Variants in ENPP1 observed in about 807,000 individuals in gnomAD.
The protein encoded by ENPP1 is ectonucleotide pyrophosphatase/phosphodiesterase family member 1.
In ENPP1, 73 loss-of-function variants were observed where a neutral mutation model predicts 122.8. The ratio of observed to expected loss-of-function variants is 0.59; its 90% CI spans 0.49 to 0.72. The LOEUF (loss-of-function observed/expected upper bound fraction) is 0.72. Among genes scored for constraint, ENPP1 ranks in the 30% least tolerant of loss-of-function variants. The probability of loss-of-function intolerance (pLI) is 0.00; values close to 1 mark genes in which losing one functional copy is unlikely to be tolerated. For missense variants in ENPP1, 978 were observed against 1,128.1 expected (o/e 0.87, Z 1.91); for synonymous variants, 367 against 391.6 (o/e 0.94, Z 0.74).
In ENPP1 at chr6:131,892,129, A is replaced by G. The variant is rs1782479055; in HGVS notation, c.*1618A>G. ...AGATAATTCCAACATCTGTCACCTC[A>G]TTGTTTGCATCTACTGATGGTCTTT... On this transcript the variant is annotated 3_prime_UTR_variant, in exon 25 of 25. Coordinates refer to ENST00000647893, the MANE Select transcript of ENPP1 (RefSeq NM_006208.3). 11 of 151,590 alleles carry G rather than the reference A, an allele frequency of 7.3e-5. No homozygotes were observed. In the South Asian group the frequency reaches 2.3e-3, roughly 32 times the overall value. The allele number at this position is 151,590 out of a possible 1,614,324, so 9.4% of individuals were successfully genotyped here.
intron 18 of ENPP1, chr6:131,877,648 A>G (rs1418012708): frequency 6.5e-6 from 1 of 154,040 alleles, no homozygotes; most frequent in Non-Finnish European, 1.4e-5. Context: ...TTAATATGTC[A>G]TTATTATAAA....
intron 4 of ENPP1, 60 bp downstream of exon 4, chr6:131,851,327 T>A: frequency 6.2e-7 from 1 of 1,609,036 alleles, no homozygotes. Context: ...AGCGGGGCTT[T>A]ACATAGGTGT....
rs1782491418 is a variant in ENPP1 at position 131,893,047 on chromosome 6, C to G, written c.*2536C>G. On this transcript the variant is annotated 3_prime_UTR_variant, in exon 25 of 25. Coordinates refer to ENST00000647893, the MANE Select transcript of ENPP1 (RefSeq NM_006208.3). Reference sequence around the variant, plus strand: ...CCAATGTTCCTAGCCTATTTTCTGTCTACTATTCAGAGTCTTGCTGTGTTT... The same window carrying G: ...CCAATGTTCCTAGCCTATTTTCTGTGTACTATTCAGAGTCTTGCTGTGTTT... 6.6e-6 allele frequency: 1 copy of G among 152,148 alleles called. No individual in the cohort carries two copies. Among genetic ancestry groups the G allele is most frequent in the Non-Finnish European group, 1.5e-5 (1 of 68,014 alleles). 9.4% of individuals were successfully genotyped at this position (152,148 alleles called of 1,614,324 possible). A position where few individuals can be genotyped will look rare whatever the true frequency, so the allele number is the denominator to read the frequency against.
intron 20 of ENPP1, among the ~76,000 whole-genome samples, chr6:131,881,686 A>G (rs1782310013): frequency 6.6e-6 from 1 of 152,190 alleles, no homozygotes; most frequent in Non-Finnish European, 1.5e-5. Flanking sequence ...GTTCGAGACC[A>G]TCCTGGCTAA....
In ENPP1 at chr6:131,861,618, A is replaced by C. The variant is rs373451568; in HGVS notation, c.939A>C (p.Gln313His). 1.2e-6 allele frequency: 2 copies of C among 1,612,972 alleles called. No homozygotes were observed. Among genetic ancestry groups the C allele is most frequent in the Non-Finnish European group, 1.7e-6 (2 of 1,178,958 alleles). ...AGATTTGGGTCACAGCTAAGTATCA[A>C]GGCCTCAAGTCTGGCACATTTTTCT... ...GEPIWVTAKY[Q>H]GLKSGTFFWP... Residue 313 changes from glutamine (Q) to histidine (H), a missense_variant, in exon 9 of 25, where the codon CAA becomes CAC. Physicochemically the swap from Gln to His is conservative, Grantham distance 24 (BLOSUM62 0). Coordinates refer to ENST00000647893, the MANE Select transcript of ENPP1 (RefSeq NM_006208.3).
chr6:131,880,485 AC>A (rs2114724391), intron 20 of ENPP1, among the ~76,000 whole-genome samples: 1 of 150,120 alleles, frequency 6.7e-6, no homozygotes, highest in African/African-American at 2.5e-5. Context: ...AATGGTGTGA[AC>A]CCGGGAGGTG....
At chr6:131,815,940 C>T (rs192795210) in intron 1 of ENPP1, among the ~76,000 whole-genome samples, 2,212 of 146,368 alleles carry the variant, frequency 0.015, 60 homozygotes, top group African/African-American at 0.054. Context: ...AGGCTGGTCT[C>T]GAACTCCTGA....
intron 1 of ENPP1, among the ~76,000 whole-genome samples, chr6:131,835,459 G>A (rs1466672005): frequency 6.6e-6 from 1 of 152,172 alleles, no homozygotes; most frequent in Non-Finnish European, 1.5e-5. Flanking sequence ...ACTAATTTTA[G>A]TTTGGAGAAG....
chr6:131,881,182 A>G (rs1782300537), intron 20 of ENPP1, among the ~76,000 whole-genome samples: 1 of 152,188 alleles, frequency 6.6e-6, no homozygotes, highest in South Asian at 2.1e-4. Flanking sequence ...ACAACCAAAT[A>G]AAAAGATAGG....
intron 9 of ENPP1, 43 bp downstream of exon 9, chr6:131,861,747 G>A: frequency 9.3e-7 from 1 of 1,080,614 alleles, no homozygotes; most frequent in East Asian, 2.4e-5. Flanking sequence ...ATATAGAACA[G>A]CTTATTCTTA....
intron 1 of ENPP1, among the ~76,000 whole-genome samples, chr6:131,816,943 G>T (rs776285680): frequency 3.3e-5 from 5 of 152,128 alleles, no homozygotes; most frequent in African/African-American, 7.2e-5. Flanking sequence ...AGACATTATT[G>T]TGCATAAAAA....
At position 131,877,170 on chromosome 6, in the gene ENPP1, C is replaced by T. The variant is rs148072349; in HGVS notation, c.1893+9C>T. The T allele has an allele frequency of 1.4e-5, 22 of 1,612,474 alleles. No homozygotes were observed. The highest frequency in any genetic ancestry group is 1.1e-4 in the East Asian group (5 of 44,810). On this transcript the variant is annotated intron_variant, in intron 18 of 24. Coordinates refer to ENST00000647893, the MANE Select transcript of ENPP1 (RefSeq NM_006208.3). The stretch of plus-strand genomic sequence containing the variant: ...GCTCATGTAACCCTTCGGTAAGTAT[C>T]GTCAAGAAGTTTGGTCCAGTATGTA...
chr6:131,827,071 T>A (rs1376186889), intron 1 of ENPP1: 5 of 619,064 alleles, frequency 8.1e-6, no homozygotes, highest in Non-Finnish European at 1.5e-5. Context: ...ACCTCCAGGG[T>A]CTGCTCCAGG....
intron 1 of ENPP1, among the ~76,000 whole-genome samples, chr6:131,842,351 G>T (rs1009704340): frequency 6.6e-6 from 1 of 152,048 alleles, no homozygotes; most frequent in African/African-American, 2.4e-5. Flanking sequence ...GCGTATATAT[G>T]GTCACCACTA....
chr6:131,890,073 A>C (rs1485746026), intron 24 of ENPP1, among the ~76,000 whole-genome samples: 1 of 152,068 alleles, frequency 6.6e-6, no homozygotes, highest in Non-Finnish European at 1.5e-5. Flanking sequence ...ACGCCATTGA[A>C]GTTTCTTAAA....
rs1782222802 is a variant in ENPP1 at position 131,875,670 on chromosome 6, C to A, written c.1636-106C>A. The stretch of plus-strand genomic sequence containing the variant: ...CTGAGCGTGGTAGTTTTCCTCTTAT[C>A]TTATCATAACCAGTTTGTATATGTA... On this transcript the variant is annotated intron_variant, in intron 16 of 24. Transcript: ENST00000647893. The A allele has an allele frequency of 7.1e-6, 6 of 840,328 alleles. No homozygotes were observed. The East Asian group carries it at 9.8e-5, about 14-fold the overall frequency. The allele number at this position is 840,328 out of a possible 1,614,324, so 52.1% of individuals were successfully genotyped here. A position where few individuals can be genotyped will look rare whatever the true frequency, so the allele number is the denominator to read the frequency against.
At position 131,860,296 on chromosome 6, in the gene ENPP1, G is replaced by A. The variant is rs1051142505; in HGVS notation, c.796-91G>A. The A allele has an allele frequency of 6.0e-6, 6 of 1,003,498 alleles. No homozygotes were observed. The African/African-American group carries it at 8.1e-5, about 14-fold the overall frequency. 62.2% of individuals were successfully genotyped at this position (1,003,498 alleles called of 1,614,324 possible). On this transcript the variant is annotated intron_variant, in intron 7 of 24. Coordinates refer to ENST00000647893, the MANE Select transcript of ENPP1 (RefSeq NM_006208.3). ...CTTATTATAATTCCATGTAGCTTCA[G>A]TTATCGGTTTCTTTTTGATGATTTT... is the stretch of plus-strand genomic sequence containing the variant.
At chr6:131,860,261 T>C in intron 7 of ENPP1, 126 bp from the exon 8 acceptor site, 1 of 763,168 alleles carries the variant, frequency 1.3e-6, no homozygotes, top group Non-Finnish European at 2.1e-6. Context: ...TTTGTTTTTC[T>C]TTCCTTAAAC....
intron 1 of ENPP1, chr6:131,819,954 C>G (rs78755079): frequency 3.1e-6 from 1 of 317,950 alleles, no homozygotes. Context: ...TTTTTTTTTT[C>G]GCATCTTGCT....
Sources: gnomAD v4.1 joint callset for allele counts (sites outside exome capture counted in the v4.1 genomes callset) on GRCh38, gnomAD v4.1.1 for gene constraint, MANE v1.5 for transcripts, NCBI Gene and HGNC (gene_info 2026-07-23, HGNC 2026-07-21) for gene names.